EML6: variants seen among roughly 807,000 people sequenced by gnomAD.
The protein encoded by EML6 is echinoderm microtubule-associated protein-like 6.
EML6 carries 154 observed loss-of-function variants against 240.1 expected under a neutral mutation model. The ratio of observed to expected loss-of-function variants is 0.64; its 90% CI spans 0.56 to 0.73. The LOEUF (loss-of-function observed/expected upper bound fraction) is 0.73, where lower values mean the gene tolerates loss of function less well. Among genes scored for constraint, EML6 ranks in the 30% least tolerant of loss-of-function variants. The pLI is 0.00. For synonymous variants in EML6, 1,148 were observed against 899.0 expected (o/e 1.28, Z -4.95); for missense variants, 2,964 against 2,474.6 (o/e 1.20, Z -4.20).
chr2:54,969,668 A>G lies in EML6; in HGVS notation c.5853-403A>G, dbSNP rs564397932. 3.3e-5 allele frequency among the ~76,000 whole-genome samples: 5 copies of G among 152,338 alleles called. No individual in the cohort carries two copies. In the East Asian group the frequency reaches 9.6e-4, roughly 29 times the overall value. ...AAAAAAGAAGTGGCCTTAACCGTGC[A>G]GGGCTTGCAGGCCTTTGTAGGCATG... is the stretch of plus-strand genomic sequence containing the variant. On this transcript the variant is annotated intron_variant, in intron 41 of 41. Coordinates refer to ENST00000356458, the MANE Select transcript of EML6 (RefSeq NM_001039753.4).
At chr2:54,941,683 A>G (rs1675434181) in intron 28 of EML6, among the ~76,000 whole-genome samples, 1 of 152,182 alleles carries the variant, frequency 6.6e-6, no homozygotes, top group South Asian at 2.1e-4. Flanking sequence ...AGAGCCTGAG[A>G]GTTGGTACAG....
chr2:54,796,275 A>T (rs1669766100), intron 2 of EML6, among the ~76,000 whole-genome samples: 2 of 152,212 alleles, frequency 1.3e-5, no homozygotes, highest in Admixed American at 1.3e-4. Context: ...ATGACTGAGG[A>T]AATATTTCCT....
chr2:54,942,515 A>C (rs1675481974), intron 28 of EML6, among the ~76,000 whole-genome samples: 2 of 152,102 alleles, frequency 1.3e-5, no homozygotes, highest in South Asian at 4.1e-4. Flanking sequence ...GTGGTAACCG[A>C]GGAGGCATTT....
At chr2:54,729,621 G>C (rs1011785262) in intron 2 of EML6, among the ~76,000 whole-genome samples, 11 of 152,276 alleles carry the variant, frequency 7.2e-5, no homozygotes, top group African/African-American at 2.4e-4. Context: ...ATGGGAATTG[G>C]AACCCAGATT....
At position 54,725,328 on chromosome 2, in the gene EML6, C is replaced by T. The variant is rs529709371; in HGVS notation, c.197+70C>T. Reference sequence around the variant, plus strand: ...GCTGGGAAGGTGGGAAGCGGTTGACCTGGGGTCGGATCCGGGAGCCCCGTG... The same window carrying T: ...GCTGGGAAGGTGGGAAGCGGTTGACTTGGGGTCGGATCCGGGAGCCCCGTG... On this transcript the variant is annotated intron_variant, in intron 2 of 41. Coordinates refer to ENST00000356458, the MANE Select transcript of EML6 (RefSeq NM_001039753.4). The surrounding 1 kb of genome is among the most constrained non-coding windows in gnomAD (Gnocchi z 4.3). 5.7e-6 allele frequency: 7 copies of T among 1,218,158 alleles called. No homozygotes were observed. The Admixed American group carries it at 1.0e-4, about 18-fold the overall frequency. 75.5% of individuals were successfully genotyped at this position (1,218,158 alleles called of 1,614,324 possible). A position where few individuals can be genotyped will look rare whatever the true frequency, so the allele number is the denominator to read the frequency against.
At chr2:54,928,259 C>A in intron 26 of EML6, 54 bp from the exon 27 acceptor site, 1 of 1,351,952 alleles carries the variant, frequency 7.4e-7, no homozygotes, top group Non-Finnish European at 1.0e-6. Context: ...GATAAACGAG[C>A]CCAGAGAAAG....
At chr2:54,882,570 G>T (rs1030949184) in intron 17 of EML6, 5 of 151,814 alleles carry the variant, frequency 3.3e-5, no homozygotes, top group African/African-American at 1.2e-4. Flanking sequence ...GAAAGCTTAG[G>T]GACAAAGGCC....
At position 54,831,163 on chromosome 2, in the gene EML6, A is replaced by G. The variant is rs930184; in HGVS notation, c.847+1686A>G. ...AGGTAAACCAGAAACCAAAACATGT[A>G]CTTAGAGAGCAGAGTCAACTTGCCA... On this transcript the variant is annotated intron_variant, in intron 7 of 41. Transcript: ENST00000356458. Among the ~76,000 whole-genome samples the G allele has an allele frequency of 4.0e-4, 61 of 152,298 alleles. 2 individuals carry two copies. The East Asian group carries it at 8.1e-3, about 20-fold the overall frequency.
chr2:54,899,743 G>T lies in EML6; in HGVS notation c.3085G>T (p.Ala1029Ser). Residue 1029 changes from alanine (A) to serine (S), a missense_variant, in exon 22 of 42, where the codon GCC becomes TCC. Physicochemically the swap from Ala to Ser is moderately conservative, Grantham distance 99. Coordinates refer to ENST00000356458, the MANE Select transcript of EML6 (RefSeq NM_001039753.4). Reference sequence around the variant, plus strand: ...AACACTTCGCATCTGGGAACTATCTGCCCAGCACCGTATGCTGGCAGTACG... The same window carrying T: ...AACACTTCGCATCTGGGAACTATCTTCCCAGCACCGTATGCTGGCAGTACG... ...DKTLRIWELSAQHRMLAVRKL... is the reference protein window; with the variant it reads ...DKTLRIWELSSQHRMLAVRKL... The T allele has an allele frequency of 6.4e-7, 1 of 1,551,822 alleles. No homozygotes were observed. The highest frequency in any genetic ancestry group is 8.7e-7 in the Non-Finnish European group (1 of 1,147,002).
At chr2:54,814,504 C>T (rs1267422688) in intron 3 of EML6, among the ~76,000 whole-genome samples, 4 of 152,200 alleles carry the variant, frequency 2.6e-5, no homozygotes, top group African/African-American at 4.8e-5. Context: ...TCCTCATCTC[C>T]CCAACCGCCT....
intron 2 of EML6, among the ~76,000 whole-genome samples, chr2:54,787,693 G>A (rs761134554): frequency 4.6e-5 from 7 of 152,316 alleles, no homozygotes; most frequent in Non-Finnish European, 7.4e-5. Flanking sequence ...GAACTTGGGA[G>A]TCGTGTCTGG....
At chr2:54,851,220 C>A (rs1670067123) in intron 10 of EML6, among the ~76,000 whole-genome samples, 1 of 151,934 alleles carries the variant, frequency 6.6e-6, no homozygotes, top group Admixed American at 6.6e-5. Context: ...ATCAACCTGG[C>A]CAACATGGTG....
intron 8 of EML6, among the ~76,000 whole-genome samples, 167 bp downstream of exon 8, chr2:54,844,415 G>T (rs1417347019): frequency 5.3e-5 from 8 of 152,188 alleles, no homozygotes; most frequent in African/African-American, 1.7e-4. Flanking sequence ...TGCTCCTGCT[G>T]TTGTCTTTCT....
At chr2:54,838,146 C>T (rs1322171592) in intron 7 of EML6, among the ~76,000 whole-genome samples, 1 of 152,168 alleles carries the variant, frequency 6.6e-6, no homozygotes, top group Non-Finnish European at 1.5e-5. Flanking sequence ...GTAACTAAGA[C>T]TCTAGGAAAG....
intron 7 of EML6, among the ~76,000 whole-genome samples, chr2:54,836,094 G>A (rs1253305013): frequency 6.6e-6 from 1 of 152,170 alleles, no homozygotes; most frequent in Non-Finnish European, 1.5e-5. Context: ...CTGCTGAGAA[G>A]GTAGAAGAAC....
intron 7 of EML6, among the ~76,000 whole-genome samples, chr2:54,837,821 C>G (rs1051667431): frequency 6.6e-6 from 1 of 152,166 alleles, no homozygotes; most frequent in Non-Finnish European, 1.5e-5. Context: ...GGGAGGGGCG[C>G]AAGCATCTGT....
At chr2:54,949,913 G>C (rs1273364894) in intron 29 of EML6, among the ~76,000 whole-genome samples, 1 of 152,188 alleles carries the variant, frequency 6.6e-6, no homozygotes, top group Non-Finnish European at 1.5e-5. Context: ...GTCTTTCCAA[G>C]ACCTTCTCCA....
At chr2:54,765,495 T>C (rs186091648) in intron 2 of EML6, among the ~76,000 whole-genome samples, 17 of 152,314 alleles carry the variant, frequency 1.1e-4, no homozygotes, top group Non-Finnish European at 2.2e-4. Flanking sequence ...GAGTCTCGCT[T>C]AGTCGCCCAG....
In EML6 at chr2:54,750,779, A is replaced by G. The variant is rs543542234; in HGVS notation, c.197+25521A>G. On this transcript the variant is annotated intron_variant, in intron 2 of 41. Coordinates refer to ENST00000356458, the MANE Select transcript of EML6 (RefSeq NM_001039753.4). The stretch of plus-strand genomic sequence containing the variant: ...TCCTAGCAACAGATTGTAAAGTTAC[A>G]GGGAAGGACACTCTGGCCTTGCCTG... Among the ~76,000 whole-genome samples the G allele has an allele frequency of 2.8e-4, 43 of 152,294 alleles. No individual in the cohort carries two copies. In the South Asian group the frequency reaches 4.4e-3, roughly 15 times the overall value.
Sources: gnomAD v4.1 joint callset for allele counts (sites outside exome capture counted in the v4.1 genomes callset) on GRCh38, gnomAD v4.1.1 for gene constraint, Gnocchi (gnomAD v3.1) non-coding constraint, MANE v1.5 for transcripts, NCBI Gene and HGNC (gene_info 2026-07-23, HGNC 2026-07-21) for gene names.